TIAM1: variants seen among roughly 807,000 people sequenced by gnomAD.
The protein encoded by TIAM1 is rho guanine nucleotide exchange factor TIAM1.
TIAM1 carries 65 observed loss-of-function variants against 163.5 expected under a neutral mutation model. The observed-to-expected ratio is 0.40, with a 90% CI of 0.33 to 0.49. The LOEUF is 0.49. Among genes scored for constraint, TIAM1 ranks in the 20% least tolerant of loss-of-function variants. TIAM1 has a pLI of 0.77. For missense variants in TIAM1, 1,789 were observed against 2,044.7 expected (o/e 0.87, Z 2.41); for synonymous variants, 833 against 810.1 (o/e 1.03, Z -0.48).
chr21:31,152,850 T>C (rs1643608964), intron 18 of TIAM1, 89 bp from the exon 19 acceptor site: 1 of 1,510,022 alleles, frequency 6.6e-7, no homozygotes, highest in Non-Finnish European at 8.9e-7. Context: ...TTTCTATCAA[T>C]TCTTATCAAT....
At chr21:31,246,604 C>T (rs1329341759) in intron 5 of TIAM1, among the ~76,000 whole-genome samples, 3 of 152,172 alleles carry the variant, frequency 2.0e-5, no homozygotes, top group Admixed American at 2.0e-4. Flanking sequence ...AACTGCACAA[C>T]CCTTGAAAGT....
rs775825742 is a variant in TIAM1, at chr21:31,251,760, A to G, written c.1393T>C (p.Tyr465His). 23 of 1,599,280 alleles carry G rather than the reference A, an allele frequency of 1.4e-5. No individual in the cohort carries two copies. The highest frequency in any genetic ancestry group is 1.8e-5 in the Non-Finnish European group (21 of 1,170,818). Residue 465 changes from tyrosine to histidine, a missense_variant, in exon 5 of 28, where the codon TAC becomes CAC. This residue lies in a region of TIAM1 where 456 missense variants were observed against 586.6 expected (regional missense o/e 0.78). Coordinates refer to ENST00000541036, the MANE Select transcript of TIAM1 (RefSeq NM_001353694.2). ...CTCTCACCTTTCAGGGACACCCAGT[A>G]GTGCTTCCACTTCCTCCGGGTGGCT... is the stretch of plus-strand genomic sequence containing the variant. Reference protein sequence around the residue: ...ESATRRKWKHYWVSLKGCTLF... With the variant: ...ESATRRKWKHHWVSLKGCTLF...
intron 2 of TIAM1, among the ~76,000 whole-genome samples, chr21:31,449,232 TG>T (rs1377168370): frequency 6.6e-6 from 1 of 152,112 alleles, no homozygotes; most frequent in Non-Finnish European, 1.5e-5. Context: ...CCCAAAGTGC[TG>T]GGATCACAGG....
chr21:31,364,366 C>T (rs2076463365), intron 2 of TIAM1, among the ~76,000 whole-genome samples: 1 of 152,188 alleles, frequency 6.6e-6, no homozygotes, highest in Admixed American at 6.5e-5. Flanking sequence ...GGCACCATTT[C>T]TCAAACTAAG....
At chr21:31,396,954 C>CAA (rs148828826) in intron 2 of TIAM1, among the ~76,000 whole-genome samples, 4 of 151,678 alleles carry the variant, frequency 2.6e-5, no homozygotes, top group African/African-American at 7.3e-5. Context: ...GTCACACACA[C>CAA]AAAAAAAATT....
chr21:31,556,811 T>G (rs2048895699), intron 1 of TIAM1, among the ~76,000 whole-genome samples: 1 of 152,236 alleles, frequency 6.6e-6, no homozygotes. Context: ...AGATAATTAC[T>G]TAGCAACGTC....
chr21:31,298,467 G>A (rs1438934647), intron 2 of TIAM1, among the ~76,000 whole-genome samples: 1 of 152,156 alleles, frequency 6.6e-6, no homozygotes, highest in Non-Finnish European at 1.5e-5. Flanking sequence ...TACTCCTACA[G>A]ATTCCATCTA....
chr21:31,285,017 G>A (rs2073739575), intron 2 of TIAM1, among the ~76,000 whole-genome samples: 3 of 152,122 alleles, frequency 2.0e-5, no homozygotes, highest in African/African-American at 7.2e-5. Flanking sequence ...CAATTTCCCT[G>A]ATGGCCTCTG....
At chr21:31,302,293 A>T (rs754137305) in intron 2 of TIAM1, among the ~76,000 whole-genome samples, 2 of 152,236 alleles carry the variant, frequency 1.3e-5, no homozygotes, top group Non-Finnish European at 2.9e-5. Flanking sequence ...GGTAATATGA[A>T]TATATTTAAC....
intron 23 of TIAM1, 59 bp from the exon 24 acceptor site, chr21:31,131,007 CAT>C (rs1343285705): frequency 2.1e-6 from 3 of 1,453,434 alleles, no homozygotes; most frequent in Non-Finnish European, 2.9e-6. Flanking sequence ...TTCCCCTTGA[CAT>C]CACCAACTTG....
intron 2 of TIAM1, among the ~76,000 whole-genome samples, chr21:31,289,674 A>G (rs1190806999): frequency 6.6e-6 from 1 of 152,216 alleles, no homozygotes; most frequent in African/African-American, 2.4e-5. Context: ...GAAGAAAACA[A>G]AAATCAAACA....
chr21:31,328,985 T>C (rs1187440615), intron 2 of TIAM1, among the ~76,000 whole-genome samples: 1 of 152,178 alleles, frequency 6.6e-6, no homozygotes, highest in Non-Finnish European at 1.5e-5. Context: ...AACAATACAG[T>C]ATAACAACTA....
At chr21:31,392,741 C>T (rs1011166801) in intron 2 of TIAM1, among the ~76,000 whole-genome samples, 17 of 151,884 alleles carry the variant, frequency 1.1e-4, no homozygotes, top group African/African-American at 3.9e-4. Context: ...TTGGTGCCAT[C>T]CTTGCAGTCA....
At position 31,169,956 on chromosome 21, in the gene TIAM1, A is replaced by G. The variant is rs548443024; in HGVS notation, c.2888-4891T>C. On this transcript the variant is annotated intron_variant, in intron 15 of 27. Coordinates refer to ENST00000541036, the MANE Select transcript of TIAM1 (RefSeq NM_001353694.2). ...ATTATACAGGTTGAAAGGAGAAAGC[A>G]GAATTTATAAATGCAACCTAGAAGA... is the stretch of plus-strand genomic sequence containing the variant. Among the ~76,000 whole-genome samples, 148 of 152,368 alleles carry G rather than the reference A, an allele frequency of 9.7e-4. 1 individual carries two copies. The highest frequency in any genetic ancestry group is 3.4e-3 in the African/African-American group (143 of 41,596).
At chr21:31,532,675 C>A (rs1222617756) in intron 1 of TIAM1, among the ~76,000 whole-genome samples, 1 of 152,210 alleles carries the variant, frequency 6.6e-6, no homozygotes, top group African/African-American at 2.4e-5. Context: ...TCCCCGCACT[C>A]TAGCTTCAAA....
intron 15 of TIAM1, among the ~76,000 whole-genome samples, chr21:31,175,744 G>A (rs1349905202): frequency 6.6e-6 from 1 of 151,938 alleles, no homozygotes; most frequent in Middle Eastern, 3.2e-3. Context: ...GATTACAGGC[G>A]CCCGCCACCA....
intron 2 of TIAM1, among the ~76,000 whole-genome samples, chr21:31,437,759 C>T (rs1036282897): frequency 2.6e-5 from 4 of 152,124 alleles, no homozygotes; most frequent in Admixed American, 1.3e-4. Flanking sequence ...GAGTTGCCTG[C>T]TTCACCTTCT....
intron 4 of TIAM1, among the ~76,000 whole-genome samples, chr21:31,254,140 G>C (rs937279958): frequency 2.0e-5 from 3 of 152,310 alleles, no homozygotes; most frequent in Non-Finnish European, 4.4e-5. Flanking sequence ...AGCTACACAG[G>C]TAACATCCCT....
At chr21:31,502,969 A>C (rs2046895802) in intron 1 of TIAM1, among the ~76,000 whole-genome samples, 1 of 152,218 alleles carries the variant, frequency 6.6e-6, no homozygotes, top group Non-Finnish European at 1.5e-5. Context: ...TAGAGGAAAA[A>C]AAAGGATGGG....
Sources: allele counts gnomAD v4.1 joint callset (sites outside exome capture counted in the v4.1 genomes callset), GRCh38; gene constraint gnomAD v4.1.1; regional missense constraint gnomAD v4.1.1; transcripts MANE v1.5; gene names NCBI Gene and HGNC (gene_info 2026-07-23, HGNC 2026-07-21).